Variants in RBMS3 observed in about 807,000 individuals in gnomAD.
The protein encoded by RBMS3 is RNA-binding motif, single-stranded-interacting protein 3.
Under a neutral mutation model 66.8 loss-of-function variants are expected in RBMS3, and 27 were observed. The ratio of observed to expected loss-of-function variants is 0.40; its 90% CI spans 0.30 to 0.56. The LOEUF (loss-of-function observed/expected upper bound fraction) is 0.56, where lower values mean the gene tolerates loss of function less well. RBMS3 is among the 20% of genes least tolerant of loss of function. The pLI is 0.40. For synonymous variants in RBMS3, 188 were observed against 183.0 expected, an observed-to-expected ratio of 1.03 and a Z score of -0.22; for missense variants, 513 against 549.5, an observed-to-expected ratio of 0.93 and a Z score of 0.66.
intron 3 of RBMS3, among the ~76,000 whole-genome samples, chr3:29,583,975 G>T (rs769285541): frequency 6.6e-6 from 1 of 151,922 alleles, no homozygotes; most frequent in Non-Finnish European, 1.5e-5. Context: ...GTTGACCTTA[G>T]ATCCCCTGCT....
intron 2 of RBMS3, among the ~76,000 whole-genome samples, chr3:29,450,505 T>C (rs1320220310): frequency 6.6e-6 from 1 of 152,210 alleles, no homozygotes; most frequent in Non-Finnish European, 1.5e-5. Context: ...GATTTGTCTT[T>C]TCAAGCACAC....
At position 29,601,490 on chromosome 3, in the gene RBMS3, G is replaced by C. The variant is rs2048142095; in HGVS notation, c.399+14285G>C. 3.3e-5 allele frequency among the ~76,000 whole-genome samples: 5 copies of C among 151,936 alleles called. 1 individual carries two copies. Among genetic ancestry groups the C allele is most frequent in the Admixed American group, 3.3e-4 (5 of 15,222 alleles). The stretch of plus-strand genomic sequence containing the variant: ...CATATAGAGACAGACTTTTGGGCTG[G>C]AAGAGAGCATAAAGAAATACTCAGT... On this transcript the variant is annotated intron_variant, in intron 4 of 14. Transcript: ENST00000383767.
At position 30,004,942 on chromosome 3, in the gene RBMS3, A is replaced by C. The variant is rs1699763077; in HGVS notation, c.*1080A>C. ...TTATGGTCAAAAAGTGCAAAAAAAA[A>C]AACAAAAAAAAAGCAATAGATAGAG... On this transcript the variant is annotated 3_prime_UTR_variant, in exon 15 of 15. Transcript: ENST00000383767. 1 of 151,436 alleles carries C rather than the reference A, an allele frequency of 6.6e-6. No homozygotes were observed. Among genetic ancestry groups the C allele is most frequent in the Non-Finnish European group, 1.5e-5 (1 of 67,596 alleles). The allele number at this position is 151,436 out of a possible 1,614,324, so 9.4% of individuals were successfully genotyped here.
intron 6 of RBMS3, among the ~76,000 whole-genome samples, chr3:29,801,010 C>CAT (rs2057371651): frequency 6.9e-6 from 1 of 145,934 alleles, no homozygotes; most frequent in Admixed American, 6.6e-5. Flanking sequence ...CGCATGCACA[C>CAT]ACACACACAC....
chr3:29,915,253 C>T (rs966290918), intron 10 of RBMS3, among the ~76,000 whole-genome samples: 2 of 151,760 alleles, frequency 1.3e-5, no homozygotes, highest in African/African-American at 2.4e-5. Flanking sequence ...GGCTTTAAAC[C>T]GTGTTTTTCT....
At chr3:29,473,875 G>A (rs778799242) in intron 2 of RBMS3, among the ~76,000 whole-genome samples, 20 of 152,230 alleles carry the variant, frequency 1.3e-4, no homozygotes, top group East Asian at 5.8e-4. Flanking sequence ...GTTCCCGCTC[G>A]CGCCTCTCCC....
intron 4 of RBMS3, among the ~76,000 whole-genome samples, chr3:29,652,615 T>A (rs1486432348): frequency 6.6e-6 from 1 of 152,076 alleles, no homozygotes; most frequent in African/African-American, 2.4e-5. Context: ...AGAAATTTCC[T>A]TTTGGAAGTT....
chr3:29,701,593 G>A (rs1382437907), intron 4 of RBMS3, among the ~76,000 whole-genome samples: 3 of 151,814 alleles, frequency 2.0e-5, no homozygotes, highest in African/African-American at 7.2e-5. Flanking sequence ...GCGCAGGTGG[G>A]AACTGGGGCT....
chr3:29,863,639 G>T (rs948480695), intron 6 of RBMS3, among the ~76,000 whole-genome samples: 2 of 152,048 alleles, frequency 1.3e-5, no homozygotes, highest in African/African-American at 4.8e-5. Flanking sequence ...TAAAATTTAT[G>T]AAGACAGTGC....
intron 4 of RBMS3, among the ~76,000 whole-genome samples, chr3:29,656,642 G>A (rs2050337389): frequency 6.6e-6 from 1 of 152,172 alleles, no homozygotes; most frequent in South Asian, 2.1e-4. Context: ...ATACCTGTTA[G>A]CAGGTGTGTG....
chr3:29,892,461 T>A (rs2060022179), intron 8 of RBMS3, among the ~76,000 whole-genome samples: 1 of 151,084 alleles, frequency 6.6e-6, no homozygotes, highest in Non-Finnish European at 1.5e-5. Flanking sequence ...TGCCGGTAGC[T>A]CCCCCCTCTC....
intron 3 of RBMS3, among the ~76,000 whole-genome samples, chr3:29,509,682 T>C (rs1380480886): frequency 6.6e-6 from 1 of 152,204 alleles, no homozygotes; most frequent in Non-Finnish European, 1.5e-5. Context: ...CTGCCTTTGG[T>C]ATCCTTCCTC....
chr3:29,953,666 A>G (rs777155660), intron 12 of RBMS3, among the ~76,000 whole-genome samples: 1 of 151,918 alleles, frequency 6.6e-6, no homozygotes, highest in African/African-American at 2.4e-5. Flanking sequence ...TTAGTGCTCT[A>G]CGTGAATTGA....
intron 1 of RBMS3, among the ~76,000 whole-genome samples, chr3:29,301,292 G>C (rs1192811138): frequency 1.3e-5 from 2 of 151,928 alleles, no homozygotes; most frequent in African/African-American, 4.8e-5. Context: ...TAACAAGAGA[G>C]CTTTATTCTT....
intron 2 of RBMS3, among the ~76,000 whole-genome samples, chr3:29,481,927 A>C (rs754294868): frequency 1.3e-5 from 2 of 152,178 alleles, no homozygotes; most frequent in Non-Finnish European, 2.9e-5. Context: ...AATACATACT[A>C]TTTTATTTCA....
intron 2 of RBMS3, among the ~76,000 whole-genome samples, chr3:29,487,503 G>C (rs1335226774): frequency 6.6e-6 from 1 of 152,082 alleles, no homozygotes. Flanking sequence ...AGTAATGTTT[G>C]AAGCTTTGGG....
rs575385797 is a variant in RBMS3 at position 29,897,275 on chromosome 3, G to A, written c.792-104G>A. On this transcript the variant is annotated intron_variant, in intron 8 of 14. Coordinates refer to ENST00000383767, the MANE Select transcript of RBMS3 (RefSeq NM_001003793.3). ...TCTTGTTAATGGTTGGTGGAAAAAC[G>A]TGCGGGTGGAAATATGTCTTTCCCA... 56 of 975,230 alleles carry A rather than the reference G, an allele frequency of 5.7e-5. No homozygotes were observed. The African/African-American group carries it at 7.7e-4, about 13-fold the overall frequency. The allele number at this position is 975,230 out of a possible 1,614,324, so 60.4% of individuals were successfully genotyped here.
chr3:29,648,425 A>G (rs1362251751), intron 4 of RBMS3, among the ~76,000 whole-genome samples: 1 of 151,532 alleles, frequency 6.6e-6, no homozygotes, highest in Non-Finnish European at 1.5e-5. Flanking sequence ...GGTGTGCGCC[A>G]CTACACCTGG....
chr3:29,782,608 A>G (rs1163507308), intron 6 of RBMS3, among the ~76,000 whole-genome samples: 1 of 152,214 alleles, frequency 6.6e-6, no homozygotes, highest in Non-Finnish European at 1.5e-5. Context: ...TTTTGGTAAT[A>G]TGACAAAACA....
Sources: gnomAD v4.1 joint callset for allele counts (sites outside exome capture counted in the v4.1 genomes callset) on GRCh38, gnomAD v4.1.1 for gene constraint, MANE v1.5 for transcripts, NCBI Gene and HGNC (gene_info 2026-07-23, HGNC 2026-07-21) for gene names.